DPP10: variants seen among roughly 807,000 people sequenced by gnomAD.
DPP10 encodes inactive dipeptidyl peptidase 10.
In DPP10, 33 loss-of-function variants were observed where a neutral mutation model predicts 120.9. The ratio of observed to expected loss-of-function variants is 0.27; its 90% CI spans 0.21 to 0.37. DPP10 has a LOEUF of 0.37. DPP10 is among the 10% of genes least tolerant of loss of function. The probability of loss-of-function intolerance (pLI) is 1.00; values close to 1 mark genes in which losing one functional copy is unlikely to be tolerated. For synonymous variants in DPP10, 337 were observed against 326.1 expected, an observed-to-expected ratio of 1.03 and a Z score of -0.36; for missense variants, 816 against 942.8, an observed-to-expected ratio of 0.87 and a Z score of 1.76.
Position 115,332,514 on chromosome 2 carries a change from G to T in DPP10, c.176-11303G>T, listed in dbSNP as rs187559494. On this transcript the variant is annotated intron_variant, in intron 2 of 25. Transcript: ENST00000410059. ...CTTCTCTAGTTCTTTTAATTGTGTT[G>T]TTAGGGTGTCTATTTTAGATCTTTC... Among the ~76,000 whole-genome samples, 6 of 152,216 alleles carry T rather than the reference G, an allele frequency of 3.9e-5. No homozygotes were observed. In the East Asian group the frequency reaches 1.2e-3, roughly 29 times the overall value.
intron 1 of DPP10, among the ~76,000 whole-genome samples, chr2:114,662,509 C>A (rs1190777142): frequency 6.6e-6 from 1 of 152,102 alleles, no homozygotes; most frequent in Admixed American, 6.5e-5. Context: ...GTGTGTCAGA[C>A]CCGCGACCAC....
At chr2:115,490,202 TTTAA>T (rs2076028027) in intron 3 of DPP10, among the ~76,000 whole-genome samples, 1 of 152,046 alleles carries the variant, frequency 6.6e-6, no homozygotes, top group East Asian at 1.9e-4. Context: ...AGGGGAGAGG[TTTAA>T]TTGACTCACA....
At chr2:115,199,500 C>G (rs1425507825) in intron 1 of DPP10, among the ~76,000 whole-genome samples, 2 of 151,804 alleles carry the variant, frequency 1.3e-5, no homozygotes, top group Non-Finnish European at 2.9e-5. Flanking sequence ...TTTTCATTAC[C>G]TTATTTGAAC....
At chr2:115,337,393 CATT>C in intron 2 of DPP10, among the ~76,000 whole-genome samples, 1 of 151,916 alleles carries the variant, frequency 6.6e-6, no homozygotes, top group Non-Finnish European at 1.5e-5. Flanking sequence ...GCTATTAATA[CATT>C]ATTAAAGAGA....
intron 8 of DPP10, among the ~76,000 whole-genome samples, chr2:115,735,989 A>T (rs1054327575): frequency 1.3e-5 from 2 of 152,102 alleles, no homozygotes; most frequent in African/African-American, 4.8e-5. Context: ...GATGAGGACC[A>T]TCATCAGACC....
chr2:114,616,372 A>C (rs1693676879), intron 1 of DPP10, among the ~76,000 whole-genome samples: 1 of 152,076 alleles, frequency 6.6e-6, no homozygotes, highest in African/African-American at 2.4e-5. Flanking sequence ...GAGTCATGGG[A>C]AGTTTCTGCC....
chr2:115,778,975 A>G (rs985863491), intron 15 of DPP10, among the ~76,000 whole-genome samples: 1 of 152,132 alleles, frequency 6.6e-6, no homozygotes, highest in Admixed American at 6.6e-5. Context: ...CCTAAAGCTT[A>G]TCTTTCTTGA....
rs539310903 is a variant in DPP10, at chr2:115,811,418, T to C, written c.1701-3375T>C. ...ATAATGAGTAAAGGATTGAAGGATT[T>C]GTTTTAAAAAACCTGTTGCCATTTA... On this transcript the variant is annotated intron_variant, in intron 19 of 25. Transcript: ENST00000410059. Among the ~76,000 whole-genome samples, 3 of 152,350 alleles carry C rather than the reference T, an allele frequency of 2.0e-5. No individual in the cohort carries two copies. The South Asian group carries it at 6.2e-4, about 32-fold the overall frequency.
In DPP10 at chr2:115,262,963, C is replaced by T. The variant is rs189021526; in HGVS notation, c.61-46276C>T. ...AGCATAAGCATCCTACATTTATACC[C>T]TTTTCCCCATAAATACATAGTGTGA... On this transcript the variant is annotated intron_variant, in intron 1 of 25. Transcript: ENST00000410059. Among the ~76,000 whole-genome samples, 668 of 152,258 alleles carry T rather than the reference C, an allele frequency of 4.4e-3. 4 individuals carry two copies. Among genetic ancestry groups the T allele is most frequent in the African/African-American group, 0.015 (603 of 41,564 alleles).
chr2:115,398,555 C>T (rs1372557042), intron 3 of DPP10, among the ~76,000 whole-genome samples: 4 of 151,384 alleles, frequency 2.6e-5, no homozygotes, highest in Non-Finnish European at 5.9e-5. Context: ...TTTTTGAATG[C>T]AAATAGTCAG....
chr2:114,740,174 G>A lies in DPP10; in HGVS notation c.60+297336G>A, dbSNP rs558247965. Among the ~76,000 whole-genome samples, 935 of 151,532 alleles carry A rather than the reference G, an allele frequency of 6.2e-3. 8 individuals are homozygous for A. Among genetic ancestry groups the A allele is most frequent in the Non-Finnish European group, 9.2e-3 (627 of 67,870 alleles). On this transcript the variant is annotated intron_variant, in intron 1 of 25. Transcript: ENST00000410059. ...CATATACACCATGGAATACTATGCAGCCATAAAAAATGATGAGTTCATGTC... is the reference window on the plus strand; with the variant it reads ...CATATACACCATGGAATACTATGCAACCATAAAAAATGATGAGTTCATGTC...
At chr2:114,925,091 G>A (rs972033415) in intron 1 of DPP10, among the ~76,000 whole-genome samples, 1 of 150,994 alleles carries the variant, frequency 6.6e-6, no homozygotes, top group Non-Finnish European at 1.5e-5. Context: ...GGTGCCTGTA[G>A]TGCCAGCTAC....
At chr2:114,660,871 A>C in intron 1 of DPP10, among the ~76,000 whole-genome samples, 1 of 152,296 alleles carries the variant, frequency 6.6e-6, no homozygotes, top group Non-Finnish European at 1.5e-5. Flanking sequence ...TGCAACTCTT[A>C]CTTTTAGATG....
chr2:114,923,720 C>A lies in DPP10; in HGVS notation c.61-385519C>A, dbSNP rs575615468. 2.0e-5 allele frequency among the ~76,000 whole-genome samples: 3 copies of A among 150,326 alleles called. No homozygotes were observed. The East Asian group carries it at 5.9e-4, about 30-fold the overall frequency. ...TGACCTCATGATCCGCCCGCCTTGG[C>A]CTCCCAAAGTGCTGGGATTACAGGC... is the stretch of plus-strand genomic sequence containing the variant. On this transcript the variant is annotated intron_variant, in intron 1 of 25. Coordinates refer to ENST00000410059, the MANE Select transcript of DPP10 (RefSeq NM_020868.6).
chr2:115,599,823 C>T (rs1274666614), intron 5 of DPP10, among the ~76,000 whole-genome samples: 1 of 151,430 alleles, frequency 6.6e-6, no homozygotes, highest in Admixed American at 6.6e-5. Flanking sequence ...TACTTACTGT[C>T]ACACATATAG....
At chr2:114,701,204 G>A (rs762859648) in intron 1 of DPP10, among the ~76,000 whole-genome samples, 1 of 152,082 alleles carries the variant, frequency 6.6e-6, no homozygotes, top group African/African-American at 2.4e-5. Context: ...AACATTTGTG[G>A]AGTGCTTTCT....
intron 1 of DPP10, among the ~76,000 whole-genome samples, chr2:115,062,203 G>A (rs181943701): frequency 6.7e-6 from 1 of 150,064 alleles, no homozygotes; most frequent in East Asian, 2.0e-4. Context: ...CAAATTTTTA[G>A]TAGTTTGAAT....
chr2:114,993,646 A>G (rs1017186572), intron 1 of DPP10, among the ~76,000 whole-genome samples: 2 of 146,962 alleles, frequency 1.4e-5, no homozygotes, highest in Non-Finnish European at 3.0e-5. Context: ...TGCTTTTTAC[A>G]TAAAACCCAA....
At position 114,518,835 on chromosome 2, in the gene DPP10, G is replaced by A. The variant is rs944740683; in HGVS notation, c.60+75997G>A. ...TTTAGCTCTGCCACTATCTAATTGT[G>A]TGACCCTTTGCCAGTCAGCTCAGCT... is the stretch of plus-strand genomic sequence containing the variant. On this transcript the variant is annotated intron_variant, in intron 1 of 25. Transcript: ENST00000410059. Among the ~76,000 whole-genome samples, 3 of 152,222 alleles carry A rather than the reference G, an allele frequency of 2.0e-5. No individual in the cohort carries two copies. The East Asian group carries it at 5.8e-4, about 29-fold the overall frequency.
Sources: gnomAD v4.1 joint callset for allele counts (sites outside exome capture counted in the v4.1 genomes callset) on GRCh38, gnomAD v4.1.1 for gene constraint, MANE v1.5 for transcripts, NCBI Gene and HGNC (gene_info 2026-07-23, HGNC 2026-07-21) for gene names.